Variants in EFR3B observed in about 807,000 individuals in gnomAD.
The protein encoded by EFR3B is protein EFR3 homolog B.
A neutral mutation model predicts 104.7 loss-of-function variants in EFR3B; 64 were observed. The observed-to-expected ratio is 0.61, with a 90% confidence interval of 0.50 to 0.75. EFR3B has a LOEUF of 0.75. Among genes scored for constraint, EFR3B ranks in the 30% least tolerant of loss-of-function variants. EFR3B has a pLI of 0.00. For missense variants in EFR3B, 750 were observed against 1,078.5 expected, an observed-to-expected ratio of 0.70 and a Z score of 4.27; for synonymous variants, 385 against 417.9, an observed-to-expected ratio of 0.92 and a Z score of 0.96.
intron 1 of EFR3B, among the ~76,000 whole-genome samples, chr2:25,058,764 G>A (rs796273084): frequency 9.4e-6 from 1 of 106,314 alleles, no homozygotes; most frequent in Non-Finnish European, 1.9e-5. Context: ...GTCTCCCCGC[G>A]CCCCCCCCCC....
At chr2:25,091,094 G>T (rs1669100016) in intron 1 of EFR3B, among the ~76,000 whole-genome samples, 1 of 151,306 alleles carries the variant, frequency 6.6e-6, no homozygotes, top group Non-Finnish European at 1.5e-5. Flanking sequence ...CCAAGCAAAA[G>T]ACATGAAGGT....
intron 5 of EFR3B, among the ~76,000 whole-genome samples, chr2:25,125,457 C>T (rs931335264): frequency 6.6e-6 from 1 of 152,168 alleles, no homozygotes; most frequent in East Asian, 1.9e-4. Context: ...TTCCCAAGTC[C>T]GGACAGCTGC....
intron 4 of EFR3B, among the ~76,000 whole-genome samples, chr2:25,107,587 G>C (rs1431496040): frequency 1.3e-5 from 2 of 152,086 alleles, no homozygotes; most frequent in African/African-American, 4.8e-5. Flanking sequence ...TCTTAAGCCT[G>C]TGTAGGATTC....
chr2:25,131,715 C>T lies in EFR3B; in HGVS notation c.986-35C>T. 1 of 1,485,610 alleles carries T rather than the reference C, an allele frequency of 6.7e-7. No homozygotes were observed. Among genetic ancestry groups the T allele is most frequent in the Non-Finnish European group, 9.0e-7 (1 of 1,111,860 alleles). The allele number at this position is 1,485,610 out of a possible 1,614,324, so 92.0% of individuals were successfully genotyped here. On this transcript the variant is annotated intron_variant, in intron 9 of 22. Transcript: ENST00000403714. The surrounding 1 kb of genome is among the most constrained non-coding windows in gnomAD (Gnocchi z 7.6). Reference sequence around the variant, plus strand: ...GTGCACAGAGGAGGAGGGTGCCAGCCTTGGATCTCGGGTGTCCCGCCCCAC... The same window carrying T: ...GTGCACAGAGGAGGAGGGTGCCAGCTTTGGATCTCGGGTGTCCCGCCCCAC...
At position 25,130,268 on chromosome 2, in the gene EFR3B, A is replaced by G. The variant is rs989169649; in HGVS notation, c.770+159A>G. Among the ~76,000 whole-genome samples, 2 of 152,210 alleles carry G rather than the reference A, an allele frequency of 1.3e-5. No individual in the cohort carries two copies. Among genetic ancestry groups the G allele is most frequent in the African/African-American group, 4.8e-5 (2 of 41,452 alleles). ...GTGCCTGTGTTCCCTGCACTGTGAC[A>G]GCAAAAGCTGCCACAGGGTGGCCAA... On this transcript the variant is annotated intron_variant, in intron 7 of 22. Transcript: ENST00000403714. The surrounding 1 kb of genome is among the most constrained non-coding windows in gnomAD (Gnocchi z 4.6).
At chr2:25,110,200 C>G (rs527614286) in intron 4 of EFR3B, among the ~76,000 whole-genome samples, 1 of 152,184 alleles carries the variant, frequency 6.6e-6, no homozygotes, top group African/African-American at 2.4e-5. Context: ...CTGCCACCCT[C>G]CGGGGCCCTC....
At chr2:25,051,117 T>TC (rs1438771163) in intron 1 of EFR3B, among the ~76,000 whole-genome samples, 1 of 152,128 alleles carries the variant, frequency 6.6e-6, no homozygotes, top group Non-Finnish European at 1.5e-5. Flanking sequence ...CTCTTTTTTT[T>TC]CTTCTGTTTT....
chr2:25,158,724 A>G lies in EFR3B; in HGVS notation c.*4384A>G, dbSNP rs1348100393. On this transcript the variant is annotated 3_prime_UTR_variant, in exon 23 of 23. Coordinates refer to ENST00000403714, the MANE Select transcript of EFR3B (RefSeq NM_014971.2). ...GACCATGGGGCCGCCCAAGCCAGTCACCTTCCCCTTCCAAGCTCTCCCCCC... is the reference window on the plus strand; with the variant it reads ...GACCATGGGGCCGCCCAAGCCAGTCGCCTTCCCCTTCCAAGCTCTCCCCCC... The G allele has an allele frequency of 6.6e-6, 1 of 152,076 alleles. No individual in the cohort carries two copies. Among genetic ancestry groups the G allele is most frequent in the Non-Finnish European group, 1.5e-5 (1 of 68,074 alleles). 9.4% of individuals were successfully genotyped at this position (152,076 alleles called of 1,614,324 possible).
At chr2:25,138,700 C>A (rs968510095) in intron 15 of EFR3B, among the ~76,000 whole-genome samples, 3 of 152,190 alleles carry the variant, frequency 2.0e-5, no homozygotes, top group Admixed American at 6.5e-5. Flanking sequence ...CAATCCAGTC[C>A]TCTAAGAATC....
intron 6 of EFR3B, 68 bp from the exon 7 acceptor site, chr2:25,129,907 C>T: frequency 6.6e-7 from 1 of 1,516,784 alleles, no homozygotes; most frequent in African/African-American, 1.4e-5. Flanking sequence ...ACACGGAAAG[C>T]CGGGATTGTA....
At chr2:25,119,327 T>C (rs935388490) in intron 4 of EFR3B, among the ~76,000 whole-genome samples, 9 of 152,202 alleles carry the variant, frequency 5.9e-5, no homozygotes, top group East Asian at 1.9e-4. Context: ...TGTGTCTCCT[T>C]TGAGTGGACA....
At chr2:25,044,213 C>A (rs1485140781) in intron 1 of EFR3B, among the ~76,000 whole-genome samples, 5 of 152,196 alleles carry the variant, frequency 3.3e-5, no homozygotes. Context: ...CAGTTGCCTG[C>A]AGCAAAGGAA....
rs144055259 is a variant in EFR3B at position 25,088,012 on chromosome 2, T to C, written c.8-3313T>C. Among the ~76,000 whole-genome samples, 14 of 152,318 alleles carry C rather than the reference T, an allele frequency of 9.2e-5. No individual in the cohort carries two copies. In the East Asian group the frequency reaches 2.7e-3, roughly 29 times the overall value. On this transcript the variant is annotated intron_variant, in intron 1 of 22. Transcript: ENST00000403714. Reference sequence around the variant, plus strand: ...GTGTATATGTTCATTTTTTTTTGCATGTGGATGTCCAGCTGATCCACCTGT... The same window carrying C: ...GTGTATATGTTCATTTTTTTTTGCACGTGGATGTCCAGCTGATCCACCTGT...
intron 1 of EFR3B, among the ~76,000 whole-genome samples, chr2:25,051,057 T>A (rs985917473): frequency 6.6e-6 from 1 of 152,190 alleles, no homozygotes; most frequent in Admixed American, 6.5e-5. Flanking sequence ...AGCTGCCTCC[T>A]GGTTTGCTCA....
At position 25,131,396 on chromosome 2, in the gene EFR3B, A is replaced by T; in HGVS notation, c.878A>T (p.Gln293Leu). 6.4e-7 allele frequency: 1 copy of T among 1,550,990 alleles called. No homozygotes were observed. Among genetic ancestry groups the T allele is most frequent in the Non-Finnish European group, 8.7e-7 (1 of 1,146,850 alleles). Residue 293 changes from glutamine (Q) to leucine (L), a missense_variant, in exon 9 of 23, where the codon CAG becomes CTG. By Grantham distance (113) the Gln-to-Leu change is moderately radical. Coordinates refer to ENST00000403714, the MANE Select transcript of EFR3B (RefSeq NM_014971.2). This position sits in a 1 kb window ranked among gnomAD's most constrained non-coding sequence, Gnocchi z 7.6. ...QPQHSHLVIQ[Q>L]LLGHLDANSR... The stretch of plus-strand genomic sequence containing the variant: ...CAGCACTCACACCTGGTCATCCAGC[A>T]GCTCCTGGGCCACCTGGACGCCAAC...
rs901147360 is a variant in EFR3B at position 25,154,472 on chromosome 2, TAAGCC to T, written c.*136_*140del. 15 of 798,616 alleles carry T rather than the reference TAAGCC, an allele frequency of 1.9e-5. No individual in the cohort carries two copies. The highest frequency in any genetic ancestry group is 3.0e-5 in the Non-Finnish European group (15 of 503,340). The allele number at this position is 798,616 out of a possible 1,614,324, so 49.5% of individuals were successfully genotyped here. ...CCTTAGATGGCAGCGCCTCCCAGGC[TAAGCC>T]AAGGTGGAGACTCTCTGGTCCTTCT... On this transcript the variant is annotated 3_prime_UTR_variant, in exon 23 of 23. Transcript: ENST00000403714. The surrounding 1 kb of genome is among the most constrained non-coding windows in gnomAD (Gnocchi z 4.1).
chr2:25,075,099 A>C (rs1039472521), intron 1 of EFR3B, among the ~76,000 whole-genome samples: 3 of 152,192 alleles, frequency 2.0e-5, no homozygotes, highest in Non-Finnish European at 4.4e-5. Context: ...GAGTCTGTTC[A>C]GATTTCGTCA....
intron 1 of EFR3B, among the ~76,000 whole-genome samples, chr2:25,072,268 C>T (rs1043080434): frequency 0.012 from 1 of 86 alleles, no homozygotes; most frequent in South Asian, 0.12. Context: ...CTGGCTCCAG[C>T]CCTTATTTCT....
chr2:25,053,886 G>A (rs551016542), intron 1 of EFR3B, among the ~76,000 whole-genome samples: 1 of 152,312 alleles, frequency 6.6e-6, no homozygotes, highest in Admixed American at 6.5e-5. Context: ...CAGCCTGGGC[G>A]ACAGAGCGAG....
Sources: gnomAD v4.1 joint callset for allele counts (sites outside exome capture counted in the v4.1 genomes callset) on GRCh38, gnomAD v4.1.1 for gene constraint, Gnocchi (gnomAD v3.1) non-coding constraint, MANE v1.5 for transcripts, NCBI Gene and HGNC (gene_info 2026-07-23, HGNC 2026-07-21) for gene names.